Variants in MDGA2 observed in about 807,000 individuals in gnomAD.
The protein encoded by MDGA2 is MAM domain containing glycosylphosphatidylinositol anchor 2.
Under a neutral mutation model 117.8 loss-of-function variants are expected in MDGA2, and 40 were observed. That is an observed-to-expected ratio of 0.34 (90% CI 0.26 to 0.44). The LOEUF (loss-of-function observed/expected upper bound fraction) is 0.44, where lower values mean the gene tolerates loss of function less well. Among genes scored for constraint, MDGA2 ranks in the 20% least tolerant of loss-of-function variants. MDGA2 has a pLI of 1.00. For synonymous variants in MDGA2, 452 were observed against 439.0 expected (o/e 1.03, Z -0.37); for missense variants, 1,123 against 1,250.6 (o/e 0.90, Z 1.54).
intron 8 of MDGA2, among the ~76,000 whole-genome samples, chr14:46,981,365 C>T (rs889242470): frequency 6.6e-6 from 1 of 151,946 alleles, no homozygotes; most frequent in Non-Finnish European, 1.5e-5. Context: ...GATAGCACCA[C>T]TGCACTCCAG....
At chr14:47,673,691 G>C (rs1898118412) in intron 1 of MDGA2, among the ~76,000 whole-genome samples, 1 of 147,458 alleles carries the variant, frequency 6.8e-6, no homozygotes, top group East Asian at 2.0e-4. Flanking sequence ...GAAAGCTAAG[G>C]GTGCCAACTG....
At chr14:46,958,231 T>C (rs896472542) in intron 8 of MDGA2, among the ~76,000 whole-genome samples, 2 of 152,106 alleles carry the variant, frequency 1.3e-5, no homozygotes, top group African/African-American at 4.8e-5. Flanking sequence ...GTCAGGTGAG[T>C]AAGCAGTAAG....
intron 2 of MDGA2, among the ~76,000 whole-genome samples, chr14:47,299,868 C>G (rs1439763153): frequency 1.3e-5 from 2 of 152,080 alleles, no homozygotes; most frequent in African/African-American, 4.8e-5. Context: ...CAGTTAATAG[C>G]AAATGTTATA....
chr14:47,662,627 C>T (rs1306345344), intron 1 of MDGA2, among the ~76,000 whole-genome samples: 4 of 152,088 alleles, frequency 2.6e-5, no homozygotes, highest in African/African-American at 9.7e-5. Flanking sequence ...AAGAAGAAGG[C>T]CACTTTCCAC....
chr14:47,187,660 GT>G (rs1884960718), intron 3 of MDGA2, among the ~76,000 whole-genome samples: 1 of 151,950 alleles, frequency 6.6e-6, no homozygotes, highest in Non-Finnish European at 1.5e-5. Flanking sequence ...CTCTTTAAAA[GT>G]TTTGGATTTT....
intron 13 of MDGA2, 70 bp downstream of exon 13, chr14:46,873,975 G>A: frequency 1.7e-6 from 2 of 1,156,284 alleles, no homozygotes; most frequent in Middle Eastern, 2.1e-4. Context: ...CTAAATATTA[G>A]TATTTCATAT....
At chr14:46,993,569 C>T (rs886443011) in intron 8 of MDGA2, among the ~76,000 whole-genome samples, 1 of 151,716 alleles carries the variant, frequency 6.6e-6, no homozygotes, top group Non-Finnish European at 1.5e-5. Flanking sequence ...TCAAGAGATT[C>T]TCTTGCATCA....
intron 2 of MDGA2, among the ~76,000 whole-genome samples, chr14:47,246,012 T>TCACA (rs1228863791): frequency 6.6e-6 from 1 of 151,848 alleles, no homozygotes; most frequent in Non-Finnish European, 1.5e-5. Flanking sequence ...AGCTAATGAT[T>TCACA]AGTGGAGCTG....
chr14:47,478,883 C>A (rs796778213), intron 1 of MDGA2, among the ~76,000 whole-genome samples: 1 of 152,060 alleles, frequency 6.6e-6, no homozygotes, highest in Admixed American at 6.6e-5. Flanking sequence ...CATCTTGAAG[C>A]CTTTGAAATG....
intron 6 of MDGA2, among the ~76,000 whole-genome samples, chr14:47,071,986 C>T (rs749103404): frequency 2.0e-5 from 3 of 150,302 alleles, no homozygotes; most frequent in Non-Finnish European, 2.9e-5. Context: ...TATAGTTGTT[C>T]AGGCTCAATT....
intron 2 of MDGA2, among the ~76,000 whole-genome samples, chr14:47,248,851 C>T (rs1170656589): frequency 6.6e-6 from 1 of 151,916 alleles, no homozygotes; most frequent in Non-Finnish European, 1.5e-5. Context: ...TATAAGAACT[C>T]AGAAAAAAAT....
At chr14:47,242,667 G>C (rs948786013) in intron 2 of MDGA2, among the ~76,000 whole-genome samples, 2 of 151,802 alleles carry the variant, frequency 1.3e-5, no homozygotes, top group South Asian at 4.2e-4. Context: ...GCTGGGCCTT[G>C]GCTGCCTTCC....
At chr14:47,511,971 A>G (rs1003124286) in intron 1 of MDGA2, among the ~76,000 whole-genome samples, 1 of 152,158 alleles carries the variant, frequency 6.6e-6, no homozygotes, top group Non-Finnish European at 1.5e-5. Context: ...GCAGGCCTAC[A>G]TATTCCAAAT....
At chr14:47,094,110 G>GTT (rs11380743) in intron 6 of MDGA2, among the ~76,000 whole-genome samples, 18 of 151,994 alleles carry the variant, frequency 1.2e-4, no homozygotes, top group African/African-American at 4.3e-4. Flanking sequence ...TATTGTAGTG[G>GTT]TTTTTCTCCC....
At chr14:46,972,812 GAC>G (rs1296205593) in intron 8 of MDGA2, among the ~76,000 whole-genome samples, 2 of 151,966 alleles carry the variant, frequency 1.3e-5, no homozygotes, top group African/African-American at 4.8e-5. Flanking sequence ...GTTCTGCAAA[GAC>G]ACAGTCAAGA....
At chr14:46,942,094 T>G (rs1313860376) in intron 9 of MDGA2, among the ~76,000 whole-genome samples, 1 of 152,158 alleles carries the variant, frequency 6.6e-6, no homozygotes, top group African/African-American at 2.4e-5. Context: ...ACATTCGCTG[T>G]CTCTTAATGC....
chr14:47,590,204 C>T (rs1441692411), intron 1 of MDGA2, among the ~76,000 whole-genome samples: 1 of 151,810 alleles, frequency 6.6e-6, no homozygotes, highest in Non-Finnish European at 1.5e-5. Flanking sequence ...TGCTTAACTG[C>T]TCTAGCCACA....
intron 8 of MDGA2, among the ~76,000 whole-genome samples, chr14:46,997,397 G>C (rs1887335247): frequency 6.6e-6 from 1 of 152,106 alleles, no homozygotes; most frequent in South Asian, 2.1e-4. Context: ...GTATATACTA[G>C]GGCAGAATTT....
chr14:46,973,727 T>C (rs1022029942), intron 8 of MDGA2, among the ~76,000 whole-genome samples: 5 of 152,068 alleles, frequency 3.3e-5, no homozygotes, highest in South Asian at 4.1e-4. Flanking sequence ...GGCATCCAAA[T>C]TGTAAAGAAC....
Sources: gnomAD v4.1 joint callset for allele counts (sites outside exome capture counted in the v4.1 genomes callset) on GRCh38, gnomAD v4.1.1 for gene constraint, MANE v1.5 for transcripts, NCBI Gene and HGNC (gene_info 2026-07-23, HGNC 2026-07-21) for gene names.